P4HB: variants seen among roughly 807,000 people sequenced by gnomAD.
P4HB encodes protein disulfide-isomerase.
P4HB carries 20 observed loss-of-function variants against 52.6 expected under a neutral mutation model. That is an observed-to-expected ratio of 0.38 (90% CI 0.27 to 0.55). P4HB has a LOEUF of 0.55. Among genes scored for constraint, P4HB ranks in the 20% least tolerant of loss-of-function variants. P4HB has a pLI of 0.74. For synonymous variants in P4HB, 296 were observed against 277.9 expected (o/e 1.07, Z -0.65); for missense variants, 601 against 669.2 (o/e 0.90, Z 1.12).
In P4HB at chr17:81,843,374, T is replaced by C. The variant is rs11558889; in HGVS notation, c.*638A>G. On this transcript the variant is annotated 3_prime_UTR_variant, in exon 11 of 11. Coordinates refer to ENST00000331483, the MANE Select transcript of P4HB (RefSeq NM_000918.4). ...GAGCCCACGACAGGAGGAGGAGCCC[T>C]GGCTTGAGGGAAGGGGAAGGCCCAG... 2.0e-5 allele frequency: 8 copies of C among 397,556 alleles called. No homozygotes were observed. The highest frequency in any genetic ancestry group is 3.5e-5 in the Non-Finnish European group (8 of 226,142). The allele number at this position is 397,556 out of a possible 1,614,324, so 24.6% of individuals were successfully genotyped here. A position where few individuals can be genotyped will look rare whatever the true frequency, so the allele number is the denominator to read the frequency against.
rs1236531465 is a variant in P4HB, at chr17:81,855,401, C to A, written c.486+52G>T. ...AACTGCCAGCTGCAGGCTGTGGACC[C>A]CTCCTCAATGGATGACGGAAGGAAG... is the stretch of plus-strand genomic sequence containing the variant. On this transcript the variant is annotated intron_variant, in intron 3 of 10. Coordinates refer to ENST00000331483, the MANE Select transcript of P4HB (RefSeq NM_000918.4). This position sits in a 1 kb window ranked among gnomAD's most constrained non-coding sequence, Gnocchi z 4.3. The A allele has an allele frequency of 2.5e-6, 4 of 1,597,442 alleles. No individual in the cohort carries two copies. The highest frequency in any genetic ancestry group is 1.3e-5 in the African/African-American group (1 of 74,638).
At chr17:81,852,157 T>A (rs2038842467) in intron 4 of P4HB, among the ~76,000 whole-genome samples, 1 of 152,196 alleles carries the variant, frequency 6.6e-6, no homozygotes, top group Non-Finnish European at 1.5e-5. Context: ...CACTCCAGCC[T>A]GGTAACAGAG....
intron 1 of P4HB, chr17:81,859,967 G>A: frequency 4.8e-6 from 1 of 208,482 alleles, no homozygotes; most frequent in East Asian, 1.1e-4. Context: ...GACTGCTGTG[G>A]CAAGCTGAAG....
At chr17:81,860,188 C>A (rs561125253) in intron 1 of P4HB, 139 bp downstream of exon 1, 17 of 703,764 alleles carry the variant, frequency 2.4e-5, no homozygotes, top group African/African-American at 2.1e-4. Flanking sequence ...ACATGGCCCC[C>A]AAGGCGGGCA....
Position 81,846,794 on chromosome 17 carries a change from T to C in P4HB, c.855+153A>G. ...GGTGACTGGGAGCAGAGGTCTGGCC[T>C]GGCTGGCCCCTCGCCTACATCCAGG... On this transcript the variant is annotated intron_variant, in intron 6 of 10. Coordinates refer to ENST00000331483, the MANE Select transcript of P4HB (RefSeq NM_000918.4). The surrounding 1 kb of genome is among the most constrained non-coding windows in gnomAD (Gnocchi z 5.7). The C allele has an allele frequency of 8.2e-7, 1 of 1,226,668 alleles. No homozygotes were observed. The highest frequency in any genetic ancestry group is 1.2e-6 in the Non-Finnish European group (1 of 860,150). 76.0% of individuals were successfully genotyped at this position (1,226,668 alleles called of 1,614,324 possible).
chr17:81,859,250 C>T lies in P4HB; in HGVS notation c.283G>A (p.Gly95Ser), dbSNP rs976921941. The change falls in exon 2 of 11, where the codon GGC becomes AGC. Residue 95 changes from glycine to serine, a missense_variant. Coordinates refer to ENST00000331483, the MANE Select transcript of P4HB (RefSeq NM_000918.4). ...TTGATGGTGGGATAGCCGCGCACGCCGTACTGCTGGGCCAGGTCAGACTCC... is the reference window on the plus strand; with the variant it reads ...TTGATGGTGGGATAGCCGCGCACGCTGTACTGCTGGGCCAGGTCAGACTCC... ...TEESDLAQQY[G>S]VRGYPTIKFF... 10 of 1,613,912 alleles carry T rather than the reference C, an allele frequency of 6.2e-6. No homozygotes were observed. The African/African-American group carries it at 6.7e-5, about 11-fold the overall frequency.
At chr17:81,857,789 T>A (rs1375702620) in intron 2 of P4HB, among the ~76,000 whole-genome samples, 1 of 152,132 alleles carries the variant, frequency 6.6e-6, no homozygotes, top group African/African-American at 2.4e-5. Flanking sequence ...ATGCCTCTCC[T>A]TTTTCCCTCC....
chr17:81,855,182 T>A lies in P4HB; in HGVS notation c.584A>T (p.Lys195Ile). The stretch of plus-strand genomic sequence containing the variant: ...AACCCCATCTTTGTCGAGCTGGTAT[T>A]TGGAGAACACGTCACTGTTGGAAGT... ...GITSNSDVFS[K>I]YQLDKDGVVL... The change falls in exon 4 of 11, where the codon AAA becomes ATA. Residue 195 changes from lysine (K) to isoleucine (I), a missense_variant. Transcript: ENST00000331483. This position sits in a 1 kb window ranked among gnomAD's most constrained non-coding sequence, Gnocchi z 4.3. 9 of 1,614,110 alleles carry A rather than the reference T, an allele frequency of 5.6e-6. No individual in the cohort carries two copies. Among genetic ancestry groups the A allele is most frequent in the South Asian group, 1.1e-5 (1 of 91,084 alleles).
In P4HB at chr17:81,855,705, A is replaced by G; in HGVS notation, c.353-119T>C. ...TGAGGACACCTGAATCAACCTAAGT[A>G]AGATGTTCTCCCACCATGGAAGAGG... On this transcript the variant is annotated intron_variant, in intron 2 of 10. Coordinates refer to ENST00000331483, the MANE Select transcript of P4HB (RefSeq NM_000918.4). This position sits in a 1 kb window ranked among gnomAD's most constrained non-coding sequence, Gnocchi z 4.3. 6.7e-6 allele frequency: 8 copies of G among 1,198,848 alleles called. No individual in the cohort carries two copies. The highest frequency in any genetic ancestry group is 2.5e-5 in the East Asian group (1 of 39,880). The allele number at this position is 1,198,848 out of a possible 1,614,324, so 74.3% of individuals were successfully genotyped here. A position where few individuals can be genotyped will look rare whatever the true frequency, so the allele number is the denominator to read the frequency against.
chr17:81,852,340 G>A (rs528437659), intron 4 of P4HB, among the ~76,000 whole-genome samples: 2 of 152,222 alleles, frequency 1.3e-5, no homozygotes, highest in East Asian at 1.9e-4. Flanking sequence ...AGGCAAGAGC[G>A]GGCCACACAA....
Position 81,860,238 on chromosome 17 carries a change from G to A in P4HB, c.145+89C>T, listed in dbSNP as rs113941441. 2.1e-5 allele frequency: 24 copies of A among 1,142,592 alleles called. No individual in the cohort carries two copies. The East Asian group carries it at 6.9e-4, about 33-fold the overall frequency. The allele number at this position is 1,142,592 out of a possible 1,614,324, so 70.8% of individuals were successfully genotyped here. The stretch of plus-strand genomic sequence containing the variant: ...CAGTTCCGGGCGCGCCGGGGGTCCC[G>A]ACCCCGGGGGCTGCCGGGCCGTGCC... On this transcript the variant is annotated intron_variant, in intron 1 of 10. Transcript: ENST00000331483.
chr17:81,847,384 G>A (rs2038753922), intron 4 of P4HB, 37 bp from the exon 5 acceptor site: 1 of 1,552,202 alleles, frequency 6.4e-7, no homozygotes. Context: ...GAGCATTGCT[G>A]CTGGGAGCAC....
chr17:81,847,662 A>G (rs1250832512), intron 4 of P4HB: 1 of 407,906 alleles, frequency 2.5e-6, no homozygotes, highest in Non-Finnish European at 4.6e-6. Context: ...CAGGGCACCC[A>G]TGTGGTCAAA....
At chr17:81,856,718 T>C (rs1297604946) in intron 2 of P4HB, among the ~76,000 whole-genome samples, 2 of 147,912 alleles carry the variant, frequency 1.4e-5, no homozygotes, top group Non-Finnish European at 3.0e-5. Context: ...GGCGCCATCC[T>C]GGCTCACTGC....
At position 81,859,175 on chromosome 17, in the gene P4HB, C is replaced by A. The variant is rs1227279703; in HGVS notation, c.352+6G>T. 1 of 1,612,744 alleles carries A rather than the reference C, an allele frequency of 6.2e-7. No individual in the cohort carries two copies. The highest frequency in any genetic ancestry group is 2.2e-5 in the East Asian group (1 of 44,896). On this transcript the variant is annotated splice_donor_region_variant and intron_variant, in intron 2 of 10. Coordinates refer to ENST00000331483, the MANE Select transcript of P4HB (RefSeq NM_000918.4). ...AGACAGTTCAAGGGCAGTGCCACAG[C>A]CACACCTGTATATTCCTTGGGGGAA...
chr17:81,859,186 T>C lies in P4HB; in HGVS notation c.347A>G (p.Tyr116Cys). The change falls in exon 2 of 11, where the codon TAT (tyrosine) becomes TGT (cysteine). Residue 116 changes from tyrosine (Y) to cysteine (C), a missense_variant. By Grantham distance (194) the Tyr-to-Cys change is radical. Coordinates refer to ENST00000331483, the MANE Select transcript of P4HB (RefSeq NM_000918.4). ...GGGCAGTGCCACAGCCACACCTGTA[T>C]ATTCCTTGGGGGAAGCCGTGTCTCC... ...RNGDTASPKE[Y>C]TAGREADDIV... 1.9e-6 allele frequency: 3 copies of C among 1,613,734 alleles called. No individual in the cohort carries two copies. Among genetic ancestry groups the C allele is most frequent in the Non-Finnish European group, 2.5e-6 (3 of 1,179,856 alleles).
At chr17:81,849,795 CG>C (rs2038799044) in intron 4 of P4HB, among the ~76,000 whole-genome samples, 1 of 151,958 alleles carries the variant, frequency 6.6e-6, no homozygotes, top group Admixed American at 6.6e-5. Flanking sequence ...ATCATTCCCC[CG>C]AACTACTTTT....
rs1369281571 is a variant in P4HB at position 81,845,686 on chromosome 17, C to T, written c.1234G>A (p.Glu412Lys). ...ATGTTCTCATGGTCCTTGTACGTCTCTCCCAGTTTATCCCAAATGGGAGCC... is the reference window on the plus strand; with the variant it reads ...ATGTTCTCATGGTCCTTGTACGTCTTTCCCAGTTTATCCCAAATGGGAGCC... ...QLAPIWDKLG[E>K]TYKDHENIVI... The change falls in exon 9 of 11, where the codon GAG becomes AAG. Residue 412 changes from glutamate to lysine, a missense_variant. Transcript: ENST00000331483. The T allele has an allele frequency of 2.5e-6, 4 of 1,613,898 alleles. No homozygotes were observed. Among genetic ancestry groups the T allele is most frequent in the African/African-American group, 1.3e-5 (1 of 75,060 alleles).
chr17:81,860,488 G>A lies in P4HB; in HGVS notation c.-17C>T, dbSNP rs1391611231. 3.2e-6 allele frequency: 4 copies of A among 1,257,592 alleles called. No individual in the cohort carries two copies. Among genetic ancestry groups the A allele is most frequent in the Non-Finnish European group, 3.0e-6 (3 of 998,912 alleles). The allele number at this position is 1,257,592 out of a possible 1,614,324, so 77.9% of individuals were successfully genotyped here. A position where few individuals can be genotyped will look rare whatever the true frequency, so the allele number is the denominator to read the frequency against. On this transcript the variant is annotated 5_prime_UTR_variant, in exon 1 of 11. Coordinates refer to ENST00000331483, the MANE Select transcript of P4HB (RefSeq NM_000918.4). ...GCGCAGCATGTCGGACACGGATCAG[G>A]CGGGGCGCTTCGGTTGGCGCCGCCG...
Sources: gnomAD v4.1 joint callset for allele counts (sites outside exome capture counted in the v4.1 genomes callset) on GRCh38, gnomAD v4.1.1 for gene constraint, Gnocchi (gnomAD v3.1) non-coding constraint, MANE v1.5 for transcripts, NCBI Gene and HGNC (gene_info 2026-07-23, HGNC 2026-07-21) for gene names.